The following PHEX variants were observed in gnomAD, a reference collection of about 807,000 sequenced individuals.
The protein encoded by PHEX is phosphate-regulating neutral endopeptidase PHEX.
PHEX carries 16 observed loss-of-function variants against 68.0 expected under a neutral mutation model. The observed-to-expected ratio is 0.24, with a 90% CI of 0.16 to 0.36. The LOEUF is 0.36. Among genes scored for constraint, PHEX ranks in the 10% least tolerant of loss-of-function variants. The pLI is 1.00. For synonymous variants in PHEX, 208 were observed against 205.1 expected, an observed-to-expected ratio of 1.01 and a Z score of -0.12; for missense variants, 480 against 575.5, an observed-to-expected ratio of 0.83 and a Z score of 1.70.
intron 18 of PHEX, among the ~76,000 whole-genome samples, chrX:22,226,148 C>T (rs1459023453): frequency 4.5e-5 from 5 of 111,538 alleles, no homozygotes; most frequent in Non-Finnish European, 9.4e-5. Context: ...ACCAGAGTCA[C>T]TCAGAATATT....
chrX:22,117,605 G>T (rs1390987230), intron 11 of PHEX, among the ~76,000 whole-genome samples: 1 of 111,521 alleles, frequency 9.0e-6, no homozygotes, highest in African/African-American at 3.3e-5. Context: ...ATTATAGCAG[G>T]TTTTTTGGCA....
At chrX:22,058,351 G>C (rs1362272431) in intron 3 of PHEX, among the ~76,000 whole-genome samples, 1 of 112,397 alleles carries the variant, frequency 8.9e-6, no homozygotes, top group Non-Finnish European at 1.9e-5. Context: ...CGTTGCTACT[G>C]TTAATTTCAC....
At chrX:22,072,048 G>A (rs758705324) in intron 3 of PHEX, among the ~76,000 whole-genome samples, 238 of 112,573 alleles carry the variant, frequency 2.1e-3, no homozygotes, top group African/African-American at 7.4e-3. Flanking sequence ...CTAACATGGT[G>A]AAACCCCACC....
At chrX:22,107,322 T>A (rs1285850111) in intron 9 of PHEX, among the ~76,000 whole-genome samples, 1 of 112,009 alleles carries the variant, frequency 8.9e-6, no homozygotes, top group African/African-American at 3.2e-5. Context: ...TCACCACCCC[T>A]TTGAGGGAAT....
At chrX:22,199,282 A>T (rs1237398605) in intron 15 of PHEX, among the ~76,000 whole-genome samples, 1 of 111,532 alleles carries the variant, frequency 9.0e-6, no homozygotes, top group East Asian at 2.8e-4. Flanking sequence ...AACTTAGGCA[A>T]TGACAGGGGT....
intron 3 of PHEX, among the ~76,000 whole-genome samples, chrX:22,062,191 G>A (rs753584727): frequency 7.2e-5 from 8 of 111,560 alleles, no homozygotes; most frequent in African/African-American, 1.3e-4. Context: ...CCACCCATGC[G>A]GGGATTAGAA....
intron 15 of PHEX, among the ~76,000 whole-genome samples, chrX:22,196,890 C>G (rs978935774): frequency 1.8e-5 from 2 of 111,770 alleles, no homozygotes; most frequent in African/African-American, 6.5e-5. Flanking sequence ...ATGGAATTAA[C>G]CTGGAAATCA....
At chrX:22,092,753 T>TC (rs1929950253) in intron 6 of PHEX, among the ~76,000 whole-genome samples, 1 of 81,769 alleles carries the variant, frequency 1.2e-5, no homozygotes, top group African/African-American at 6.8e-5. Flanking sequence ...TTCTTTCTTT[T>TC]TTTTTTTTTT....
At chrX:22,196,409 AGTGTCTTT>A (rs1934369771) in intron 15 of PHEX, among the ~76,000 whole-genome samples, 1 of 112,042 alleles carries the variant, frequency 8.9e-6, no homozygotes, top group Admixed American at 9.5e-5. Flanking sequence ...TGCAAGTCAT[AGTGTCTTT>A]GTTGCAATTT....
rs188146628 is a variant in PHEX, at chrX:22,047,004, A to G, written c.188-46A>G. 5,527 of 1,078,855 alleles carry G rather than the reference A, an allele frequency of 5.1e-3. 11 individuals carry two copies. The highest frequency in any genetic ancestry group is 6.3e-3 in the Non-Finnish European group (4,905 of 776,193). 88.9% of individuals were successfully genotyped at this position (1,078,855 alleles called of 1,213,427 possible). A position where few individuals can be genotyped will look rare whatever the true frequency, so the allele number is the denominator to read the frequency against. On this transcript the variant is annotated intron_variant, in intron 2 of 21. Transcript: ENST00000379374. ...TTTAATTTGGAAAAGAACAGTATACAACATTCAGTGCTTGTCATTAATCCT... is the reference window on the plus strand; with the variant it reads ...TTTAATTTGGAAAAGAACAGTATACGACATTCAGTGCTTGTCATTAATCCT...
intron 11 of PHEX, among the ~76,000 whole-genome samples, chrX:22,119,088 A>G (rs1209488646): frequency 2.7e-5 from 3 of 111,041 alleles, no homozygotes; most frequent in Non-Finnish European, 5.7e-5. Context: ...ACAGGGTCTC[A>G]CTCTGTTGCC....
At position 22,118,389 on chromosome X, in the gene PHEX, G is replaced by T. The variant is rs187594420; in HGVS notation, c.1302+3803G>T. ...AAGCCTCGGTGACTCACAAGAGCAG[G>T]CCAGGCCAGTTGACATGAATAGCAG... On this transcript the variant is annotated intron_variant, in intron 11 of 21. Coordinates refer to ENST00000379374, the MANE Select transcript of PHEX (RefSeq NM_000444.6). Among the ~76,000 whole-genome samples, 85 of 103,424 alleles carry T rather than the reference G, an allele frequency of 8.2e-4. 2 individuals carry two copies. Among genetic ancestry groups the T allele is most frequent in the Middle Eastern group, 4.9e-3 (1 of 205 alleles). The allele number at this position is 103,424 out of a possible 115,157, so 89.8% of individuals were successfully genotyped here.
intron 9 of PHEX, among the ~76,000 whole-genome samples, chrX:22,107,192 G>C (rs1365518762): frequency 8.9e-6 from 1 of 111,949 alleles, no homozygotes; most frequent in Non-Finnish European, 1.9e-5. Flanking sequence ...TGCCTAAATG[G>C]GATGATCTCA....
At chrX:22,149,659 C>G (rs776246775) in intron 12 of PHEX, among the ~76,000 whole-genome samples, 1 of 112,592 alleles carries the variant, frequency 8.9e-6, no homozygotes, top group African/African-American at 3.2e-5. Context: ...GAGGCTGAGG[C>G]AGGAGAATCG....
intron 3 of PHEX, among the ~76,000 whole-genome samples, chrX:22,050,083 G>A (rs755841367): frequency 4.2e-4 from 47 of 112,054 alleles, no homozygotes; most frequent in African/African-American, 1.5e-3. Context: ...TGGTACAGTC[G>A]AATAGTTGCA....
chrX:22,184,421 T>C (rs762170542), intron 14 of PHEX, among the ~76,000 whole-genome samples: 14 of 111,436 alleles, frequency 1.3e-4, no homozygotes, highest in Non-Finnish European at 1.1e-4. Flanking sequence ...AACAGCATCA[T>C]GATTATATTT....
chrX:22,064,067 G>A lies in PHEX; in HGVS notation c.350-12321G>A, dbSNP rs540774113. Reference sequence around the variant, plus strand: ...AAGAAAGAGTAAGCTATTACATGACGCTTTTTTATCACTTGGAATTTTATT... The same window carrying A: ...AAGAAAGAGTAAGCTATTACATGACACTTTTTTATCACTTGGAATTTTATT... On this transcript the variant is annotated intron_variant, in intron 3 of 21. Transcript: ENST00000379374. Among the ~76,000 whole-genome samples the A allele has an allele frequency of 7.1e-5, 8 of 112,445 alleles. 1 individual carries two copies. In the South Asian group the frequency reaches 2.2e-3, roughly 31 times the overall value.
chrX:22,041,645 G>T (rs1041691260), intron 2 of PHEX, among the ~76,000 whole-genome samples: 4 of 110,515 alleles, frequency 3.6e-5, no homozygotes, highest in African/African-American at 1.3e-4. Flanking sequence ...ATGGAGTGGG[G>T]TGAGAGAGCA....
intron 8 of PHEX, chrX:22,097,697 A>G (rs1222173997): frequency 2.9e-6 from 2 of 686,730 alleles, no homozygotes; most frequent in Admixed American, 1.8e-4. Flanking sequence ...TAGCCAATCT[A>G]AAAAACACCA....
Sources: allele counts gnomAD v4.1 joint callset (sites outside exome capture counted in the v4.1 genomes callset), GRCh38; gene constraint gnomAD v4.1.1; transcripts MANE v1.5; gene names NCBI Gene and HGNC (gene_info 2026-07-23, HGNC 2026-07-21).